SLC24A2: variants seen among roughly 807,000 people sequenced by gnomAD.
The protein encoded by SLC24A2 is solute carrier family 24 member 2.
Under a neutral mutation model 62.0 loss-of-function variants are expected in SLC24A2, and 36 were observed. The observed-to-expected ratio is 0.58, with a 90% CI of 0.44 to 0.77. The LOEUF (loss-of-function observed/expected upper bound fraction) is 0.77. Among genes scored for constraint, SLC24A2 ranks in the 30% least tolerant of loss-of-function variants. The pLI is 0.00. For synonymous variants in SLC24A2, 358 were observed against 294.0 expected (o/e 1.22, Z -2.23); for missense variants, 846 against 817.9 (o/e 1.03, Z -0.42).
chr9:20,156,420 C>T, the SLC24A2 span, among the ~76,000 whole-genome samples: 1 of 151,644 alleles, frequency 6.6e-6, no homozygotes. Context: ...ATGAAATGAC[C>T]CAGAATAATT....
At chr9:20,022,038 CTA>C in the SLC24A2 span, among the ~76,000 whole-genome samples, 75 of 152,312 alleles carry the variant, frequency 4.9e-4, no homozygotes, top group East Asian at 1.5e-3. Context: ...TTAATTTACT[CTA>C]TGTCTACTGC....
intron 8 of SLC24A2, among the ~76,000 whole-genome samples, chr9:19,542,973 C>A (rs1834351619): frequency 1.3e-5 from 2 of 152,152 alleles, no homozygotes; most frequent in Non-Finnish European, 2.9e-5. Flanking sequence ...GGAGGATCCC[C>A]TCTTTTTCTA....
At chr9:19,848,363 C>T in the SLC24A2 span, among the ~76,000 whole-genome samples, 85,346 of 151,988 alleles carry the variant, frequency 0.56, 24,812 homozygotes, top group Non-Finnish European at 0.64. Context: ...TCTGTTATCT[C>T]TTAGCTGTGT....
chr9:19,915,083 C>G, the SLC24A2 span, among the ~76,000 whole-genome samples: 1 of 151,980 alleles, frequency 6.6e-6, no homozygotes, highest in African/African-American at 2.4e-5. Flanking sequence ...CAAAAGAAAC[C>G]CTATACCTCC....
the SLC24A2 span, among the ~76,000 whole-genome samples, chr9:20,001,011 T>A: frequency 2.6e-5 from 4 of 152,162 alleles, no homozygotes; most frequent in Admixed American, 1.3e-4. Context: ...AAGATCACGT[T>A]TTGAGGCCCT....
Position 19,516,033 on chromosome 9 carries a change from G to A in SLC24A2, c.*120C>T. The A allele has an allele frequency of 1.6e-6, 2 of 1,246,746 alleles. No homozygotes were observed. Among genetic ancestry groups the A allele is most frequent in the Non-Finnish European group, 2.4e-6 (2 of 848,566 alleles). The allele number at this position is 1,246,746 out of a possible 1,614,324, so 77.2% of individuals were successfully genotyped here. ...TCCATCTCTCCTCAAATTCACCAAG[G>A]AGGGACACTTGGCACCCAGGGCTGT... On this transcript the variant is annotated 3_prime_UTR_variant, in exon 11 of 11. Transcript: ENST00000341998.
At chr9:20,072,001 A>C in the SLC24A2 span, among the ~76,000 whole-genome samples, 1 of 152,086 alleles carries the variant, frequency 6.6e-6, no homozygotes, top group Non-Finnish European at 1.5e-5. Flanking sequence ...GGTCCCAAGC[A>C]CAGGAACTTC....
rs3085618 is a variant in SLC24A2 at position 19,578,554 on chromosome 9, AT to A, written c.1130-1533del. 1.8e-3 allele frequency among the ~76,000 whole-genome samples: 273 copies of A among 151,280 alleles called. 2 individuals are homozygous for A. Among genetic ancestry groups the A allele is most frequent in the African/African-American group, 6.1e-3 (250 of 41,244 alleles). On this transcript the variant is annotated intron_variant, in intron 5 of 10. Transcript: ENST00000341998. Reference sequence around the variant, plus strand: ...AACCCCTACAGTTTTCCCACGATGTATTTTTTTTTTTTCCGGCTTGTGTTCT... The same window carrying A: ...AACCCCTACAGTTTTCCCACGATGTATTTTTTTTTTTCCGGCTTGTGTTCT...
the SLC24A2 span, among the ~76,000 whole-genome samples, chr9:20,016,728 C>T: frequency 7.2e-5 from 11 of 151,926 alleles, no homozygotes; most frequent in Non-Finnish European, 1.2e-4. Flanking sequence ...CCTACAACTA[C>T]ACACACACAC....
the SLC24A2 span, among the ~76,000 whole-genome samples, chr9:20,215,895 C>T: frequency 4.3e-4 from 65 of 152,272 alleles, no homozygotes; most frequent in Admixed American, 2.0e-3. Context: ...AGCATGCAAG[C>T]GTCTCATGCT....
chr9:19,866,713 T>G, the SLC24A2 span, among the ~76,000 whole-genome samples: 1 of 135,994 alleles, frequency 7.4e-6, no homozygotes, highest in Non-Finnish European at 1.5e-5. Flanking sequence ...CTTGGCTTAC[T>G]GCAAGCTCCG....
At chr9:19,877,792 T>C in the SLC24A2 span, among the ~76,000 whole-genome samples, 4 of 152,126 alleles carry the variant, frequency 2.6e-5, no homozygotes, top group Non-Finnish European at 5.9e-5. Context: ...AAGGGAACAG[T>C]GAAACACAAG....
chr9:20,107,496 G>A, the SLC24A2 span, among the ~76,000 whole-genome samples: 1 of 152,196 alleles, frequency 6.6e-6, no homozygotes, highest in Non-Finnish European at 1.5e-5. Flanking sequence ...CCAAAACAGA[G>A]ATATAGATCA....
Position 19,752,111 on chromosome 9 carries a change from G to A in SLC24A2, c.930+33826C>T, listed in dbSNP as rs142786735. Among the ~76,000 whole-genome samples, 22 of 152,286 alleles carry A rather than the reference G, an allele frequency of 1.4e-4. No individual in the cohort carries two copies. The East Asian group carries it at 3.7e-3, about 25-fold the overall frequency. On this transcript the variant is annotated intron_variant, in intron 2 of 10. Transcript: ENST00000341998. Reference sequence around the variant, plus strand: ...TTCATTTGATGAGTGCTTGCGACACGTTTGCTTATGTGTCATCAGCGCTAG... The same window carrying A: ...TTCATTTGATGAGTGCTTGCGACACATTTGCTTATGTGTCATCAGCGCTAG...
the SLC24A2 span, among the ~76,000 whole-genome samples, chr9:20,117,612 A>T: frequency 6.6e-6 from 1 of 152,276 alleles, no homozygotes; most frequent in African/African-American, 2.4e-5. Flanking sequence ...AGTACTTATT[A>T]TGTTTGTCGC....
At chr9:20,019,073 C>G in the SLC24A2 span, among the ~76,000 whole-genome samples, 1 of 115,528 alleles carries the variant, frequency 8.7e-6, no homozygotes, top group African/African-American at 3.2e-5. Context: ...AAGAAAGAAA[C>G]AGAGAAAGAG....
intron 8 of SLC24A2, among the ~76,000 whole-genome samples, chr9:19,533,039 G>A (rs183533662): frequency 6.6e-6 from 1 of 152,116 alleles, no homozygotes; most frequent in Non-Finnish European, 1.5e-5. Context: ...TAAGTGTAAA[G>A]CCCATATTAA....
chr9:19,909,307 G>A, the SLC24A2 span, among the ~76,000 whole-genome samples: 3 of 150,184 alleles, frequency 2.0e-5, no homozygotes, highest in Admixed American at 6.7e-5. Flanking sequence ...ACAGGAAGGG[G>A]AACATCACAC....
chr9:20,205,322 G>C, the SLC24A2 span, among the ~76,000 whole-genome samples: 1 of 152,004 alleles, frequency 6.6e-6, no homozygotes, highest in East Asian at 1.9e-4. Context: ...TTCATGGAAT[G>C]CCATCTTTTA....
Sources: allele counts gnomAD v4.1 joint callset (sites outside exome capture counted in the v4.1 genomes callset), GRCh38; gene constraint gnomAD v4.1.1; transcripts MANE v1.5; gene names NCBI Gene and HGNC (gene_info 2026-07-23, HGNC 2026-07-21).